GTF2IRD1: variants seen among roughly 807,000 people sequenced by gnomAD.
The protein encoded by GTF2IRD1 is GTF2I repeat domain containing 1, also known as general transcription factor II-I repeat domain-containing protein 1.
A neutral mutation model predicts 113.2 loss-of-function variants in GTF2IRD1; 26 were observed. The ratio of observed to expected loss-of-function variants is 0.23; its 90% CI spans 0.17 to 0.32. The LOEUF is 0.32. GTF2IRD1 is among the 10% of genes least tolerant of loss of function. The probability of loss-of-function intolerance (pLI) is 1.00; values close to 1 mark genes in which losing one functional copy is unlikely to be tolerated. For missense variants in GTF2IRD1, 864 were observed against 1,280.8 expected (o/e 0.67, Z 4.97); for synonymous variants, 484 against 529.1 (o/e 0.91, Z 1.17).
At chr7:74,482,338 C>A (rs1794791683) in intron 1 of GTF2IRD1, among the ~76,000 whole-genome samples, 1 of 150,950 alleles carries the variant, frequency 6.6e-6, no homozygotes. Flanking sequence ...AGTGATCCTC[C>A]TGCCTTAGCC....
At chr7:74,552,212 C>A (rs1554355234) in intron 17 of GTF2IRD1, among the ~76,000 whole-genome samples, 2 of 151,946 alleles carry the variant, frequency 1.3e-5, no homozygotes, top group African/African-American at 2.4e-5. Context: ...TGGTGAGACC[C>A]TATCTCTATA....
In GTF2IRD1 at chr7:74,533,244, C is replaced by T. The variant is rs184951270; in HGVS notation, c.1275-1869C>T. 5.3e-4 allele frequency among the ~76,000 whole-genome samples: 81 copies of T among 151,596 alleles called. 2 individuals carry two copies. In the East Asian group the frequency reaches 0.012, roughly 22 times the overall value. ...CCGCCTCTCAGGTTCAAGCAATTCTCCTGCCTCCGCCTCCCAAGTAGCTGG... is the reference window on the plus strand; with the variant it reads ...CCGCCTCTCAGGTTCAAGCAATTCTTCTGCCTCCGCCTCCCAAGTAGCTGG... On this transcript the variant is annotated intron_variant, in intron 9 of 26. Coordinates refer to ENST00000424337, the MANE Select transcript of GTF2IRD1 (RefSeq NM_005685.4).
chr7:74,515,525 C>A lies in GTF2IRD1; in HGVS notation c.350C>A (p.Ser117Tyr), dbSNP rs1380565288. 6.2e-7 allele frequency: 1 copy of A among 1,613,814 alleles called. No homozygotes were observed. Among genetic ancestry groups the A allele is most frequent in the African/African-American group, 1.3e-5 (1 of 74,926 alleles). ...GGTGGAGGCCGTAGCCTCCCTCGGT[C>A]CTCCCTGGAACATGGCTCAGATGTG... is the stretch of plus-strand genomic sequence containing the variant. ...GEGGGRSLPR[S>Y]SLEHGSDVYL... Residue 117 changes from serine (S) to tyrosine (Y), a missense_variant, in exon 4 of 27, where the codon TCC becomes TAC. Physicochemically the swap from Ser to Tyr is moderately radical, Grantham distance 144. This residue lies in a region of GTF2IRD1 where 182 missense variants were observed against 266.6 expected (regional missense o/e 0.68). Transcript: ENST00000424337.
chr7:74,471,605 G>T (rs1357742846), intron 1 of GTF2IRD1, among the ~76,000 whole-genome samples: 1 of 138,290 alleles, frequency 7.2e-6, no homozygotes, highest in African/African-American at 2.7e-5. Flanking sequence ...GAGCCCAGAA[G>T]TTTGAGACCA....
At chr7:74,502,505 C>T (rs2129888908) in intron 1 of GTF2IRD1, among the ~76,000 whole-genome samples, 1 of 152,378 alleles carries the variant, frequency 6.6e-6, no homozygotes, top group East Asian at 1.9e-4. Flanking sequence ...GATTGGAAAT[C>T]ACAGCTGGAT....
chr7:74,599,084 C>T (rs1183379779), intron 25 of GTF2IRD1, among the ~76,000 whole-genome samples: 2 of 152,102 alleles, frequency 1.3e-5, no homozygotes, highest in South Asian at 2.1e-4. Context: ...TCTTTGAGCC[C>T]AAGAGTTCAA....
chr7:74,544,003 T>G lies in GTF2IRD1; in HGVS notation c.1619-752T>G, dbSNP rs117736932. 6.4e-3 allele frequency among the ~76,000 whole-genome samples: 977 copies of G among 152,196 alleles called. 40 individuals are homozygous for G. Among genetic ancestry groups the G allele is most frequent in the Admixed American group, 0.056 (857 of 15,264 alleles). On this transcript the variant is annotated intron_variant, in intron 14 of 26. Transcript: ENST00000424337. ...GGTTGAGGCTGTAGTGAGCTGTGAT[T>G]GCTCCACTGCACTCCATCCTGGGCA...
chr7:74,544,524 G>A (rs1798814281), intron 14 of GTF2IRD1, among the ~76,000 whole-genome samples: 1 of 152,206 alleles, frequency 6.6e-6, no homozygotes. Context: ...TCAGTGTCTA[G>A]AACAGACTAG....
At chr7:74,576,830 A>G (rs1554364710) in intron 22 of GTF2IRD1, among the ~76,000 whole-genome samples, 1 of 151,616 alleles carries the variant, frequency 6.6e-6, no homozygotes, top group Non-Finnish European at 1.5e-5. Context: ...CATGTTGCCC[A>G]GGCTGGTCTC....
intron 11 of GTF2IRD1, among the ~76,000 whole-genome samples, chr7:74,537,239 G>A (rs1331719784): frequency 1.3e-5 from 2 of 152,024 alleles, no homozygotes; most frequent in East Asian, 1.9e-4. Flanking sequence ...GCAAAACCCC[G>A]TCTCTACTAA....
intron 25 of GTF2IRD1, among the ~76,000 whole-genome samples, chr7:74,600,034 A>C (rs1300682134): frequency 6.6e-6 from 1 of 152,124 alleles, no homozygotes; most frequent in East Asian, 1.9e-4. Flanking sequence ...TGTGAATAGG[A>C]TCTTGGAGGG....
At chr7:74,545,895 T>C in intron 16 of GTF2IRD1, 86 bp downstream of exon 16, 2 of 961,034 alleles carry the variant, frequency 2.1e-6, no homozygotes, top group South Asian at 1.3e-5. Flanking sequence ...TCGCATCCCC[T>C]TGCCTGTTCC....
At chr7:74,525,814 A>G (rs1797563607) in intron 8 of GTF2IRD1, among the ~76,000 whole-genome samples, 1 of 151,656 alleles carries the variant, frequency 6.6e-6, no homozygotes, top group African/African-American at 2.4e-5. Context: ...AAAAGAAGGG[A>G]GGATAATTCC....
intron 22 of GTF2IRD1, among the ~76,000 whole-genome samples, chr7:74,576,159 C>CA (rs1276193672): frequency 1.3e-5 from 2 of 151,742 alleles, no homozygotes; most frequent in Non-Finnish European, 2.9e-5. Flanking sequence ...GACCCTGTCT[C>CA]AAAAAAATAA....
chr7:74,561,860 G>A (rs587686338), intron 22 of GTF2IRD1, among the ~76,000 whole-genome samples: 5 of 152,264 alleles, frequency 3.3e-5, no homozygotes, highest in South Asian at 4.1e-4. Flanking sequence ...GGAGGTTGAC[G>A]CTAGAGCCCA....
intron 17 of GTF2IRD1, among the ~76,000 whole-genome samples, chr7:74,550,016 A>G (rs1799210101): frequency 6.8e-6 from 1 of 147,612 alleles, no homozygotes; most frequent in Non-Finnish European, 1.5e-5. Context: ...CAGCCTGGGC[A>G]ACAAGAGCAA....
chr7:74,583,173 T>C, intron 22 of GTF2IRD1, among the ~76,000 whole-genome samples: 1 of 151,908 alleles, frequency 6.6e-6, no homozygotes, highest in Non-Finnish European at 1.5e-5. Flanking sequence ...CAAGCTTGTT[T>C]TTTATTTTTT....
chr7:74,496,581 TGTG>T (rs562785150), intron 1 of GTF2IRD1, among the ~76,000 whole-genome samples: 49 of 144,030 alleles, frequency 3.4e-4, no homozygotes, highest in Non-Finnish European at 5.8e-4. Context: ...TGGGTGTGCA[TGTG>T]TGTGGGTGGG....
At chr7:74,516,627 A>T (rs1796943337) in intron 4 of GTF2IRD1, among the ~76,000 whole-genome samples, 1 of 152,166 alleles carries the variant, frequency 6.6e-6, no homozygotes. Context: ...AAGGTCTGTG[A>T]GGAAACTTCT....
Sources: allele counts gnomAD v4.1 joint callset (sites outside exome capture counted in the v4.1 genomes callset), GRCh38; gene constraint gnomAD v4.1.1; regional missense constraint gnomAD v4.1.1; transcripts MANE v1.5; gene names NCBI Gene and HGNC (gene_info 2026-07-23, HGNC 2026-07-21).